The following GIPC2 variants were observed in gnomAD, a reference collection of about 807,000 sequenced individuals.
The protein encoded by GIPC2 is PDZ domain-containing protein GIPC2.
Under a neutral mutation model 30.6 loss-of-function variants are expected in GIPC2, and 30 were observed. That is an observed-to-expected ratio of 0.98 (90% confidence interval 0.73 to 1.33). The LOEUF (loss-of-function observed/expected upper bound fraction) is 1.33. Ranked by LOEUF, GIPC2 falls within the 40% of genes most tolerant of loss-of-function variation. GIPC2 has a pLI of 0.00. For synonymous variants in GIPC2, 167 were observed against 150.0 expected, an observed-to-expected ratio of 1.11 and a Z score of -0.83; for missense variants, 414 against 390.3, an observed-to-expected ratio of 1.06 and a Z score of -0.51.
chr1:78,045,546 T>C (rs1661051845), upstream of GIPC2: 3 of 985,248 alleles, frequency 3.0e-6, no homozygotes, highest in South Asian at 4.7e-5. Context: ...GGTTTATGAA[T>C]ACAACGTAGC....
upstream of GIPC2, chr1:78,045,474 A>G (rs975948524): frequency 4.8e-5 from 35 of 727,328 alleles, no homozygotes; most frequent in Non-Finnish European, 5.7e-5. Flanking sequence ...ATGTTGGGAG[A>G]GGAAGCAGCC....
At chr1:78,078,209 A>C (rs959388125) in intron 1 of GIPC2, among the ~76,000 whole-genome samples, 3 of 151,084 alleles carry the variant, frequency 2.0e-5, no homozygotes, top group Non-Finnish European at 4.4e-5. Flanking sequence ...AAAAAAAAAA[A>C]ACCTAGTGTA....
At chr1:78,087,821 G>T (rs999871623) in intron 2 of GIPC2, among the ~76,000 whole-genome samples, 14 of 152,016 alleles carry the variant, frequency 9.2e-5, no homozygotes, top group African/African-American at 3.4e-4. Context: ...AGAGTAAACA[G>T]ACAACCTACA....
At chr1:78,046,591 C>G (rs1020761147) in intron 1 of GIPC2, among the ~76,000 whole-genome samples, 1 of 152,156 alleles carries the variant, frequency 6.6e-6, no homozygotes, top group Admixed American at 6.5e-5. Context: ...TTGAGGGAGG[C>G]AACCTTTCTT....
chr1:78,059,438 G>A (rs971356904), intron 1 of GIPC2, among the ~76,000 whole-genome samples: 1 of 152,220 alleles, frequency 6.6e-6, no homozygotes, highest in Non-Finnish European at 1.5e-5. Context: ...AGAGACCCTG[G>A]TGTATCTAAA....
chr1:78,050,629 C>CTT (rs562172009), intron 1 of GIPC2, among the ~76,000 whole-genome samples: 6 of 146,096 alleles, frequency 4.1e-5, no homozygotes, highest in South Asian at 2.2e-4. Context: ...TACATACCAT[C>CTT]TTTTTTTTTT....
intron 3 of GIPC2, among the ~76,000 whole-genome samples, chr1:78,113,360 C>T (rs545581037): frequency 1.1e-4 from 17 of 152,240 alleles, no homozygotes; most frequent in African/African-American, 3.9e-4. Context: ...AGGCATGTCC[C>T]ATCATGCCTG....
At chr1:78,122,078 T>C (rs1223610782) in intron 4 of GIPC2, among the ~76,000 whole-genome samples, 1 of 152,162 alleles carries the variant, frequency 6.6e-6, no homozygotes, top group Non-Finnish European at 1.5e-5. Context: ...GTGGCAAAGG[T>C]GCCTGAATGG....
chr1:78,089,635 C>T (rs1662000174), intron 2 of GIPC2, among the ~76,000 whole-genome samples: 1 of 152,140 alleles, frequency 6.6e-6, no homozygotes, highest in African/African-American at 2.4e-5. Context: ...GATGAGCCAC[C>T]ATACGTGGCC....
intron 5 of GIPC2, among the ~76,000 whole-genome samples, chr1:78,134,720 T>A (rs1662969127): frequency 6.6e-6 from 1 of 152,214 alleles, no homozygotes; most frequent in Non-Finnish European, 1.5e-5. Flanking sequence ...CATACAAACT[T>A]GGATTAGTTC....
At chr1:78,064,622 G>A (rs758570168) in intron 1 of GIPC2, among the ~76,000 whole-genome samples, 1 of 151,946 alleles carries the variant, frequency 6.6e-6, no homozygotes, top group Non-Finnish European at 1.5e-5. Context: ...GGAGAAAGAC[G>A]TCCTGTTGGT....
intron 5 of GIPC2, among the ~76,000 whole-genome samples, chr1:78,134,439 C>T (rs939685267): frequency 2.0e-5 from 3 of 151,828 alleles, no homozygotes; most frequent in African/African-American, 7.3e-5. Context: ...CTGCTGCCCT[C>T]CCTCCCCATT....
intron 3 of GIPC2, among the ~76,000 whole-genome samples, chr1:78,115,249 A>G (rs1487627055): frequency 1.3e-5 from 2 of 152,162 alleles, no homozygotes; most frequent in African/African-American, 4.8e-5. Flanking sequence ...TACAAGAGAC[A>G]CTTTTTGAAA....
chr1:78,067,232 G>A (rs1394067365), intron 1 of GIPC2, among the ~76,000 whole-genome samples: 1 of 151,990 alleles, frequency 6.6e-6, no homozygotes, highest in Non-Finnish European at 1.5e-5. Context: ...AGGGTAGGGT[G>A]GCCTGTCCTG....
intron 3 of GIPC2, among the ~76,000 whole-genome samples, chr1:78,118,549 A>G: frequency 6.6e-6 from 1 of 152,190 alleles, no homozygotes. Context: ...GATAAGACAC[A>G]ACAGAAAAAA....
In GIPC2 at chr1:78,125,754, A is replaced by G. The variant is rs1662769751; in HGVS notation, c.715-127A>G. ...TAGTTACAGAGCACATTCTAGATCTATTTCCATTAAAATTAGCTGAAATAC... is the reference window on the plus strand; with the variant it reads ...TAGTTACAGAGCACATTCTAGATCTGTTTCCATTAAAATTAGCTGAAATAC... On this transcript the variant is annotated intron_variant, in intron 4 of 5. Transcript: ENST00000370759. The G allele has an allele frequency of 8.1e-6, 5 of 613,688 alleles. No homozygotes were observed. The Admixed American group carries it at 1.1e-4, about 14-fold the overall frequency. The allele number at this position is 613,688 out of a possible 1,614,324, so 38.0% of individuals were successfully genotyped here.
chr1:78,079,370 G>T (rs1661784264), intron 1 of GIPC2, among the ~76,000 whole-genome samples: 1 of 152,138 alleles, frequency 6.6e-6, no homozygotes, highest in Admixed American at 6.5e-5. Context: ...ATTTTATGAA[G>T]CTCTTCTGAT....
intron 3 of GIPC2, among the ~76,000 whole-genome samples, chr1:78,097,868 C>T (rs1415913054): frequency 6.6e-6 from 1 of 152,208 alleles, no homozygotes; most frequent in Non-Finnish European, 1.5e-5. Flanking sequence ...TTTCATATCA[C>T]TTCACTCAGG....
intron 2 of GIPC2, chr1:78,094,671 T>C (rs1662103542): frequency 4.6e-6 from 1 of 216,910 alleles, no homozygotes; most frequent in African/African-American, 2.3e-5. Flanking sequence ...AGACGAAGAA[T>C]GGTTGGAGGT....
Sources: allele counts gnomAD v4.1 joint callset (sites outside exome capture counted in the v4.1 genomes callset), GRCh38; gene constraint gnomAD v4.1.1; transcripts MANE v1.5; gene names NCBI Gene and HGNC (gene_info 2026-07-23, HGNC 2026-07-21).